Variants in ABHD14B observed in about 807,000 individuals in gnomAD.
ABHD14B encodes the protein putative protein-lysine deacylase ABHD14B.
ABHD14B carries 19 observed loss-of-function variants against 15.4 expected under a neutral mutation model. The observed-to-expected ratio is 1.23, with a 90% CI of 0.86 to 1.81. ABHD14B has a LOEUF of 1.81. ABHD14B is among the 40% of genes most tolerant of loss of function. The pLI is 0.00. For missense variants in ABHD14B, 243 were observed against 267.0 expected, an observed-to-expected ratio of 0.91 and a Z score of 0.63; for synonymous variants, 92 against 117.3, an observed-to-expected ratio of 0.78 and a Z score of 1.39.
At chr3:51,972,909 C>T (rs1455400930) in intron 1 of ABHD14B, among the ~76,000 whole-genome samples, 1 of 152,192 alleles carries the variant, frequency 6.6e-6, no homozygotes, top group African/African-American at 2.4e-5. Flanking sequence ...CAGAGTTTCA[C>T]TCTTGTTGCC....
chr3:51,971,788 G>A (rs769785382), intron 1 of ABHD14B, 90 bp from the exon 2 acceptor site: 2 of 1,469,404 alleles, frequency 1.4e-6, no homozygotes, highest in African/African-American at 1.4e-5. Flanking sequence ...CCTCCAGGAG[G>A]TTTCCAGAAC....
chr3:51,972,633 T>G (rs1022530366), intron 1 of ABHD14B, among the ~76,000 whole-genome samples: 1 of 152,114 alleles, frequency 6.6e-6, no homozygotes, highest in African/African-American at 2.4e-5. Context: ...CCTCAATATG[T>G]GGTGGGGCTC....
In ABHD14B at chr3:51,968,637, A is replaced by T. The variant is rs1700573712; in HGVS notation, c.*789T>A. ...GTAACCTGAGGTGTAGAGCACCCAG[A>T]AGGAAGGGTAAAAGCAGGGGGCAAA... On this transcript the variant is annotated 3_prime_UTR_variant, in exon 4 of 4. Coordinates refer to ENST00000361143, the MANE Select transcript of ABHD14B (RefSeq NM_001146314.2). 6.6e-6 allele frequency: 1 copy of T among 152,038 alleles called. No individual in the cohort carries two copies. The highest frequency in any genetic ancestry group is 1.5e-5 in the Non-Finnish European group (1 of 68,004). The allele number at this position is 152,038 out of a possible 1,614,324, so 9.4% of individuals were successfully genotyped here.
At position 51,971,566 on chromosome 3, in the gene ABHD14B, T is replaced by C; in HGVS notation, c.105A>G (p.Val35=). 6.2e-7 allele frequency: 1 copy of C among 1,613,582 alleles called. No individual in the cohort carries two copies. Among genetic ancestry groups the C allele is most frequent in the African/African-American group, 1.3e-5 (1 of 75,028 alleles). Residue 35 remains valine (V), a synonymous_variant, in exon 2 of 4, where the codon GTA becomes GTG. Coordinates refer to ENST00000361143, the MANE Select transcript of ABHD14B (RefSeq NM_001146314.2). Reference sequence around the variant, plus strand: ...AGAAGCGAATACCATGCAGCAGCAGTACAGAGAAGCGAGCCTGCCCACTGC... The same window carrying C: ...AGAAGCGAATACCATGCAGCAGCAGCACAGAGAAGCGAGCCTGCCCACTGC... ...LPGSGQARFS[V]LLLHGIRFSS... is the part of the protein sequence containing the mutation.
intron 3 of ABHD14B, 146 bp downstream of exon 3, chr3:51,969,797 G>A (rs1198125803): frequency 6.7e-7 from 1 of 1,493,086 alleles, no homozygotes; most frequent in East Asian, 2.3e-5. Flanking sequence ...ACAGTAGTCT[G>A]CTGAGTAAAC....
At chr3:51,972,528 G>A (rs769123563) in intron 1 of ABHD14B, among the ~76,000 whole-genome samples, 2 of 152,096 alleles carry the variant, frequency 1.3e-5, no homozygotes, top group Non-Finnish European at 2.9e-5. Context: ...AGCCGAGAAC[G>A]CGCCATTGCA....
At chr3:51,971,739 C>A in intron 1 of ABHD14B, 41 bp from the exon 2 acceptor site, 1 of 1,567,110 alleles carries the variant, frequency 6.4e-7, no homozygotes, top group Non-Finnish European at 8.6e-7. Context: ...CACAGAACAC[C>A]CTGCCCAGGG....
Position 51,969,628 on chromosome 3 carries a change from G to A in ABHD14B, c.454-23C>T, listed in dbSNP as rs1700615117. The A allele has an allele frequency of 3.1e-6, 5 of 1,600,160 alleles. No individual in the cohort carries two copies. The East Asian group carries it at 6.7e-5, about 21-fold the overall frequency. ...AGTCTGAGAGGAAGGATAGGGGGGT[G>A]GGGCAGAGTCAACAGGGACCTGCCA... On this transcript the variant is annotated intron_variant, in intron 3 of 3. Transcript: ENST00000361143.
intron 1 of ABHD14B, among the ~76,000 whole-genome samples, chr3:51,973,276 T>A (rs2106802597): frequency 6.6e-6 from 1 of 150,664 alleles, no homozygotes; most frequent in South Asian, 2.1e-4. Context: ...GGTCTCGATC[T>A]CCTGACCTCG....
chr3:51,971,682 C>T lies in ABHD14B; in HGVS notation c.-12G>A. 1 of 1,609,546 alleles carries T rather than the reference C, an allele frequency of 6.2e-7. No homozygotes were observed. Among genetic ancestry groups the T allele is most frequent in the Non-Finnish European group, 8.5e-7 (1 of 1,178,460 alleles). ...ACGCTTGCTGCCATGCCTGCTGCTG[C>T]TGTGCTGGTGAAGGGCCTGTGGTTC... is the stretch of plus-strand genomic sequence containing the variant. On this transcript the variant is annotated 5_prime_UTR_variant, in exon 2 of 4. Coordinates refer to ENST00000361143, the MANE Select transcript of ABHD14B (RefSeq NM_001146314.2).
At position 51,969,620 on chromosome 3, in the gene ABHD14B, AG is replaced by A. The variant is rs1559771142; in HGVS notation, c.454-16del. On this transcript the variant is annotated splice_polypyrimidine_tract_variant and intron_variant, in intron 3 of 3. Coordinates refer to ENST00000361143, the MANE Select transcript of ABHD14B (RefSeq NM_001146314.2). ...AGAGCTGGAGTCTGAGAGGAAGGAT[AG>A]GGGGGTGGGGCAGAGTCAACAGGGA... is the stretch of plus-strand genomic sequence containing the variant. The A allele has an allele frequency of 1.2e-6, 2 of 1,605,010 alleles. No homozygotes were observed. Among genetic ancestry groups the A allele is most frequent in the Non-Finnish European group, 1.7e-6 (2 of 1,174,962 alleles).
At chr3:51,973,508 T>TTTTTTTTTTTTTTC (rs1292913807) in intron 1 of ABHD14B, among the ~76,000 whole-genome samples, 8 of 145,774 alleles carry the variant, frequency 5.5e-5, no homozygotes, top group African/African-American at 1.8e-4. Flanking sequence ...TTCTTCGGTT[T>TTTTTTTTTTTTTTC]TTTTTTTTTT....
intron 1 of ABHD14B, among the ~76,000 whole-genome samples, chr3:51,972,230 C>T (rs1184774277): frequency 9.2e-6 from 1 of 108,986 alleles, no homozygotes; most frequent in East Asian, 2.8e-4. Context: ...GAGTGAGACT[C>T]GGTCACAAAA....
Position 51,970,075 on chromosome 3 carries a change from C to T in ABHD14B, c.321G>A (p.Val107=). The change falls in exon 3 of 4, where the codon GTG becomes GTA. Residue 107 remains valine (V), a synonymous_variant. Coordinates refer to ENST00000361143, the MANE Select transcript of ABHD14B (RefSeq NM_001146314.2). ...VDALELGPPV[V]ISPSLSGMYS... The stretch of plus-strand genomic sequence containing the variant: ...ACATGCCACTCAGTGATGGACTGAT[C>T]ACAACCGGGGGGCCCAGCTCCAAGG... The T allele has an allele frequency of 1.2e-6, 2 of 1,610,652 alleles. No homozygotes were observed. Among genetic ancestry groups the T allele is most frequent in the Non-Finnish European group, 1.7e-6 (2 of 1,177,874 alleles).
At chr3:51,970,856 G>C in intron 2 of ABHD14B, 2 of 454,830 alleles carry the variant, frequency 4.4e-6, no homozygotes, top group Middle Eastern at 6.1e-4. Context: ...ACCTGGCACC[G>C]AGGGTTGGGA....
chr3:51,970,279 G>T, intron 2 of ABHD14B, 95 bp from the exon 3 acceptor site: 1 of 1,487,768 alleles, frequency 6.7e-7, no homozygotes, highest in Non-Finnish European at 9.0e-7. Flanking sequence ...TCCTAGGTCA[G>T]TTTCTCTGTG....
intron 2 of ABHD14B, chr3:51,970,545 G>A (rs1396743393): frequency 1.9e-6 from 1 of 521,852 alleles, no homozygotes; most frequent in Non-Finnish European, 3.7e-6. Context: ...TCTGTTAAAG[G>A]GGGATAACAA....
At chr3:51,969,773 G>A in intron 3 of ABHD14B, 168 bp from the exon 4 acceptor site, 1 of 1,424,588 alleles carries the variant, frequency 7.0e-7, no homozygotes, top group East Asian at 2.3e-5. Context: ...ACACAGTTTA[G>A]CACAGGGCTT....
intron 1 of ABHD14B, 147 bp from the exon 2 acceptor site, chr3:51,971,845 C>T (rs1168163781): frequency 2.2e-6 from 3 of 1,381,196 alleles, no homozygotes; most frequent in Non-Finnish European, 2.8e-6. Flanking sequence ...GTTATTTCTG[C>T]CTCTGCCATT....
Sources: gnomAD v4.1 joint callset for allele counts (sites outside exome capture counted in the v4.1 genomes callset) on GRCh38, gnomAD v4.1.1 for gene constraint, MANE v1.5 for transcripts, NCBI Gene and HGNC (gene_info 2026-07-23, HGNC 2026-07-21) for gene names.